The following IQCF1 variants were observed in gnomAD, a reference collection of about 807,000 sequenced individuals.
IQCF1 encodes IQ domain-containing protein F1.
A neutral mutation model predicts 12.5 loss-of-function variants in IQCF1; 9 were observed. That is an observed-to-expected ratio of 0.72 (90% CI 0.43 to 1.26). IQCF1 has a LOEUF of 1.26. IQCF1 is among the 50% of genes most tolerant of loss of function. The pLI is 0.00. For missense variants in IQCF1, 252 were observed against 257.4 expected (o/e 0.98, Z 0.14); for synonymous variants, 67 against 96.2 (o/e 0.70, Z 1.78).
intron 1 of IQCF1, 68 bp from the exon 2 acceptor site, chr3:51,903,157 C>T: frequency 6.3e-7 from 1 of 1,589,864 alleles, no homozygotes. Context: ...CAATATGGCA[C>T]ACATCCCCAG....
chr3:51,895,305 T>C lies in IQCF1; in HGVS notation c.203A>G (p.Lys68Arg). Residue 68 changes from lysine to arginine, a missense_variant, in exon 4 of 4, where the codon AAA becomes AGA. By Grantham distance (26) the Lys-to-Arg change is conservative (BLOSUM62 2). Coordinates refer to ENST00000310914, the MANE Select transcript of IQCF1 (RefSeq NM_152397.3). The surrounding 1 kb of genome is among the most constrained non-coding windows in gnomAD (Gnocchi z 4.8). ...PPENQKKLSD[K>R]DTVATKIQAW... ...CTGGATCTTGGTGGCTACCGTATCT[T>C]TGTCAGAGAGCTTCTTTTGGTTTTC... 6.2e-7 allele frequency: 1 copy of C among 1,611,216 alleles called. No individual in the cohort carries two copies. The highest frequency in any genetic ancestry group is 1.7e-5 in the Admixed American group (1 of 59,642).
Position 51,895,115 on chromosome 3 carries a change from CAGTGTGACTGCTGCCCACT to C in IQCF1, c.374_392del (p.Glu125GlyfsTer65). 6.2e-7 allele frequency: 1 copy of C among 1,614,240 alleles called. No individual in the cohort carries two copies. Among genetic ancestry groups the C allele is most frequent in the East Asian group, 2.2e-5 (1 of 44,874 alleles). On this transcript the variant is annotated frameshift_variant, in exon 4 of 4. Transcript: ENST00000310914. LOFTEE classifies it low-confidence loss of function (END_TRUNC). The surrounding 1 kb of genome is among the most constrained non-coding windows in gnomAD (Gnocchi z 4.8). ...TGCGCCACATGCGGGCCTGGGACTG[CAGTGTGACTGCTGCCCACT>C]CCTTCCGGGAGAAGGCCTCTAGCGC...
intron 2 of IQCF1, among the ~76,000 whole-genome samples, chr3:51,899,724 A>G (rs1266663432): frequency 6.6e-6 from 1 of 152,236 alleles, no homozygotes; most frequent in African/African-American, 2.4e-5. Flanking sequence ...AAAATTATAA[A>G]AGGTTAAAAA....
chr3:51,902,907 A>G (rs1472406919), intron 2 of IQCF1, 78 bp downstream of exon 2: 1 of 1,098,330 alleles, frequency 9.1e-7, no homozygotes, highest in African/African-American at 1.5e-5. Context: ...CTTCACTTAT[A>G]ACAGCACCAT....
At chr3:51,898,973 G>A (rs78690603) in intron 2 of IQCF1, among the ~76,000 whole-genome samples, 1 of 152,350 alleles carries the variant, frequency 6.6e-6, no homozygotes, top group Non-Finnish European at 1.5e-5. Flanking sequence ...GGAAGGAGCC[G>A]TCTATACCAA....
At chr3:51,896,921 A>G in intron 2 of IQCF1, 27 bp from the exon 3 acceptor site, 2 of 1,571,966 alleles carry the variant, frequency 1.3e-6, no homozygotes, top group Non-Finnish European at 1.8e-6. Flanking sequence ...GAAAGAGAAC[A>G]GACAAGATTG....
intron 2 of IQCF1, among the ~76,000 whole-genome samples, chr3:51,898,131 A>C (rs1206770586): frequency 6.6e-6 from 1 of 152,192 alleles, no homozygotes; most frequent in African/African-American, 2.4e-5. Context: ...AGGGAAGAAC[A>C]ATAGTATAAG....
intron 2 of IQCF1, among the ~76,000 whole-genome samples, chr3:51,898,962 A>T (rs972427516): frequency 3.3e-5 from 5 of 152,256 alleles, no homozygotes; most frequent in African/African-American, 1.2e-4. Flanking sequence ...TTACAGAATC[A>T]GGAAGGAGCC....
intron 3 of IQCF1, among the ~76,000 whole-genome samples, chr3:51,896,260 A>G (rs1182390403): frequency 6.6e-6 from 1 of 152,176 alleles, no homozygotes; most frequent in African/African-American, 2.4e-5. Context: ...GACAAACTCA[A>G]CCAATTGTCA....
At chr3:51,902,217 G>C (rs1699082930) in intron 2 of IQCF1, among the ~76,000 whole-genome samples, 1 of 152,104 alleles carries the variant, frequency 6.6e-6, no homozygotes, top group Non-Finnish European at 1.5e-5. Flanking sequence ...GGTGCAAAGA[G>C]GCTCATAAAA....
rs1171617194 is a variant in IQCF1, at chr3:51,895,239, T to A, written c.269A>T (p.His90Leu). The A allele has an allele frequency of 6.2e-7, 1 of 1,614,078 alleles. No homozygotes were observed. The highest frequency in any genetic ancestry group is 8.5e-7 in the Non-Finnish European group (1 of 1,180,032). Reference sequence around the variant, plus strand: ...AATGATGCAGGCACTGAGGGCTGCGTGCAACAGTGCCCGACGCACCAGGGT... The same window carrying A: ...AATGATGCAGGCACTGAGGGCTGCGAGCAACAGTGCCCGACGCACCAGGGT... Reference protein sequence around the residue: ...RGTLVRRALLHAALSACIIQC... With the variant: ...RGTLVRRALLLAALSACIIQC... Residue 90 changes from histidine (H) to leucine (L), a missense_variant, in exon 4 of 4, where the codon CAC becomes CTC. His to Leu is a moderately conservative substitution (Grantham distance 99, BLOSUM62 -3). Transcript: ENST00000310914. The surrounding 1 kb of genome is among the most constrained non-coding windows in gnomAD (Gnocchi z 4.8).
intron 2 of IQCF1, among the ~76,000 whole-genome samples, chr3:51,897,730 G>A (rs1699026287): frequency 1.3e-5 from 2 of 152,244 alleles, no homozygotes; most frequent in Non-Finnish European, 2.9e-5. Flanking sequence ...AGGGCTAAAT[G>A]TGTGTGCGTG....
chr3:51,899,501 C>CGGGG (rs1699050997), intron 2 of IQCF1, among the ~76,000 whole-genome samples: 2 of 152,068 alleles, frequency 1.3e-5, no homozygotes, highest in African/African-American at 4.8e-5. Context: ...TATAAGGAGG[C>CGGGG]ATAAGAATGT....
intron 3 of IQCF1, among the ~76,000 whole-genome samples, 178 bp downstream of exon 3, chr3:51,896,654 A>C (rs1699006494): frequency 1.3e-5 from 2 of 151,956 alleles, no homozygotes; most frequent in African/African-American, 4.8e-5. Context: ...TTTAAATCTT[A>C]ATTTACAAGC....
rs538563872 is a variant in IQCF1, at chr3:51,898,283, G to C, written c.109-1389C>G. Among the ~76,000 whole-genome samples the C allele has an allele frequency of 2.0e-5, 3 of 151,804 alleles. No homozygotes were observed. The East Asian group carries it at 5.8e-4, about 29-fold the overall frequency. ...GAGAGAGAGAGAGAGAGAGATGGAA[G>C]TAGTAAAGAGAAAATAGTGTATCCT... On this transcript the variant is annotated intron_variant, in intron 2 of 3. Transcript: ENST00000310914.
intron 2 of IQCF1, among the ~76,000 whole-genome samples, chr3:51,897,778 G>A (rs527449855): frequency 2.0e-5 from 3 of 152,350 alleles, no homozygotes; most frequent in East Asian, 1.9e-4. Flanking sequence ...TGTTGTTCGT[G>A]TGGACAGTGA....
At chr3:51,902,138 T>G (rs1012935928) in intron 2 of IQCF1, among the ~76,000 whole-genome samples, 1 of 152,214 alleles carries the variant, frequency 6.6e-6, no homozygotes, top group East Asian at 1.9e-4. Flanking sequence ...CAATTCTCAC[T>G]TCCCTGGCAG....
chr3:51,898,886 G>T (rs774622510), intron 2 of IQCF1, among the ~76,000 whole-genome samples: 3 of 152,222 alleles, frequency 2.0e-5, no homozygotes, highest in Non-Finnish European at 4.4e-5. Flanking sequence ...AACTCTTGTA[G>T]AAGCAGAGTT....
intron 2 of IQCF1, chr3:51,902,772 G>A (rs113445223): frequency 1.8e-6 from 1 of 549,572 alleles, no homozygotes; most frequent in Non-Finnish European, 3.3e-6. Context: ...CCCCTCCCTT[G>A]TCCAAGTGTG....
Sources: allele counts gnomAD v4.1 joint callset (sites outside exome capture counted in the v4.1 genomes callset), GRCh38; gene constraint gnomAD v4.1.1; non-coding constraint Gnocchi (gnomAD v3.1); transcripts MANE v1.5; gene names NCBI Gene and HGNC (gene_info 2026-07-23, HGNC 2026-07-21).